PRKN: variants seen among roughly 807,000 people sequenced by gnomAD.
PRKN encodes the protein parkin RBR E3 ubiquitin protein ligase, also known as E3 ubiquitin-protein ligase parkin.
In PRKN, 56 loss-of-function variants were observed where a neutral mutation model predicts 59.5. That is an observed-to-expected ratio of 0.94 (90% CI 0.76 to 1.18). The LOEUF (loss-of-function observed/expected upper bound fraction) is 1.18, where lower values mean the gene tolerates loss of function less well. Among genes scored for constraint, PRKN ranks in the 50% most tolerant of loss-of-function variants. The probability of loss-of-function intolerance (pLI) is 0.00; values close to 1 mark genes in which losing one functional copy is unlikely to be tolerated. For synonymous variants in PRKN, 250 were observed against 222.1 expected (o/e 1.13, Z -1.12); for missense variants, 657 against 596.4 (o/e 1.10, Z -1.06).
At chr6:162,717,827 T>G (rs1346050349) in intron 1 of PRKN, among the ~76,000 whole-genome samples, 1 of 152,212 alleles carries the variant, frequency 6.6e-6, no homozygotes, top group Non-Finnish European at 1.5e-5. Flanking sequence ...CATTGAAAAT[T>G]TATCTGACAT....
rs970673192 is a variant in PRKN at position 161,554,894 on chromosome 6, A to T, written c.934-5891T>A. On this transcript the variant is annotated intron_variant, in intron 8 of 11. Coordinates refer to ENST00000366898, the MANE Select transcript of PRKN (RefSeq NM_004562.3). This position sits in a 1 kb window ranked among gnomAD's most constrained non-coding sequence, Gnocchi z 4.5. Reference sequence around the variant, plus strand: ...GTAAATTAATTGCCCTCTTTTGCCTAGATGCCCAAGGAATTTTTTCCATTT... The same window carrying T: ...GTAAATTAATTGCCCTCTTTTGCCTTGATGCCCAAGGAATTTTTTCCATTT... Among the ~76,000 whole-genome samples the T allele has an allele frequency of 6.6e-6, 1 of 152,004 alleles. No individual in the cohort carries two copies. Among genetic ancestry groups the T allele is most frequent in the Admixed American group, 6.6e-5 (1 of 15,252 alleles).
At chr6:162,059,729 GT>G (rs960909000) in intron 4 of PRKN, among the ~76,000 whole-genome samples, 5 of 152,052 alleles carry the variant, frequency 3.3e-5, no homozygotes, top group African/African-American at 1.2e-4. Context: ...AATTTGGCTG[GT>G]TTTTAGAGAA....
At position 161,423,560 on chromosome 6, in the gene PRKN, A is replaced by G. The variant is rs988696302; in HGVS notation, c.1084-36683T>C. Among the ~76,000 whole-genome samples the G allele has an allele frequency of 2.0e-5, 3 of 152,178 alleles. No homozygotes were observed. Among genetic ancestry groups the G allele is most frequent in the African/African-American group, 4.8e-5 (2 of 41,442 alleles). On this transcript the variant is annotated intron_variant, in intron 9 of 11. Transcript: ENST00000366898. This position sits in a 1 kb window ranked among gnomAD's most constrained non-coding sequence, Gnocchi z 5.9. ...AATTCCTTGATTTGGGGCCAATGACAAGCAAGACATTTACAGATTTAGATG... is the reference window on the plus strand; with the variant it reads ...AATTCCTTGATTTGGGGCCAATGACGAGCAAGACATTTACAGATTTAGATG...
At chr6:161,986,491 CTTTTT>C (rs66655962) in intron 5 of PRKN, among the ~76,000 whole-genome samples, 1 of 139,420 alleles carries the variant, frequency 7.2e-6, no homozygotes. Flanking sequence ...CTGCAGTGTC[CTTTTT>C]TTTTTTTTTT....
chr6:162,303,678 T>C (rs1344896753), intron 2 of PRKN, among the ~76,000 whole-genome samples: 2 of 152,218 alleles, frequency 1.3e-5, no homozygotes, highest in African/African-American at 4.8e-5. Context: ...AATTCATCTC[T>C]ACTTTACAAA....
At chr6:162,710,764 A>T (rs960176749) in intron 1 of PRKN, among the ~76,000 whole-genome samples, 4 of 148,866 alleles carry the variant, frequency 2.7e-5, no homozygotes, top group African/African-American at 7.3e-5. Context: ...AAAGTACTTT[A>T]AAAAAAAACA....
intron 1 of PRKN, among the ~76,000 whole-genome samples, chr6:162,654,450 C>G (rs1778562113): frequency 6.6e-6 from 1 of 152,132 alleles, no homozygotes; most frequent in African/African-American, 2.4e-5. Context: ...AGCCCGAGTT[C>G]CCAACCACGA....
chr6:162,720,852 G>A (rs1233295565), intron 1 of PRKN, among the ~76,000 whole-genome samples: 2 of 152,166 alleles, frequency 1.3e-5, no homozygotes, highest in East Asian at 3.9e-4. Flanking sequence ...CCACAGCTCT[G>A]ATGACATTGT....
At chr6:162,460,385 G>A (rs979395039) in intron 1 of PRKN, among the ~76,000 whole-genome samples, 2 of 152,200 alleles carry the variant, frequency 1.3e-5, no homozygotes, top group Non-Finnish European at 2.9e-5. Flanking sequence ...AGAAACAGGA[G>A]TTACTGCTAA....
intron 1 of PRKN, among the ~76,000 whole-genome samples, chr6:162,529,470 T>C (rs1778418234): frequency 6.6e-6 from 1 of 152,226 alleles, no homozygotes; most frequent in Non-Finnish European, 1.5e-5. Context: ...TCATTCATTC[T>C]GAGTTTCTTA....
intron 4 of PRKN, among the ~76,000 whole-genome samples, chr6:162,075,199 T>G (rs1187104608): frequency 6.6e-6 from 1 of 152,176 alleles, no homozygotes; most frequent in Non-Finnish European, 1.5e-5. Flanking sequence ...TCATGGCATG[T>G]AAATCTATTT....
intron 4 of PRKN, among the ~76,000 whole-genome samples, chr6:162,158,514 C>T (rs954570870): frequency 6.6e-6 from 1 of 151,348 alleles, no homozygotes; most frequent in East Asian, 2.0e-4. Flanking sequence ...TCACTGCAAT[C>T]TCCGCCTCCC....
rs2128100075 is a variant in PRKN, at chr6:162,262,622, C to T, written c.315G>A (p.Val105=). 1.9e-6 allele frequency: 3 copies of T among 1,613,782 alleles called. No homozygotes were observed. Among genetic ancestry groups the T allele is most frequent in the Non-Finnish European group, 2.5e-6 (3 of 1,179,954 alleles). ...CTGGGAGGACTGAGCTGCTGAGGTC[C>T]ACCCGAGTCAAGCTCTGGGGCTCCC... The part of the protein sequence containing the change: ...CEREPQSLTR[V]DLSSSVLPGD... Residue 105 remains valine (V), a synonymous_variant, in exon 3 of 12, where the codon GTG becomes GTA. Transcript: ENST00000366898.
chr6:161,644,759 G>A (rs1443042033), intron 7 of PRKN, among the ~76,000 whole-genome samples: 1 of 152,236 alleles, frequency 6.6e-6, no homozygotes, highest in Non-Finnish European at 1.5e-5. Context: ...CATGAGAGCC[G>A]AGTGAAGGGA....
chr6:161,729,097 C>T (rs1034924533), intron 7 of PRKN, among the ~76,000 whole-genome samples: 5 of 152,238 alleles, frequency 3.3e-5, no homozygotes, highest in African/African-American at 1.2e-4. Context: ...TTGTTCAACT[C>T]TTCCCATGAA....
chr6:161,845,851 C>T (rs2128221462), intron 6 of PRKN, among the ~76,000 whole-genome samples: 1 of 152,266 alleles, frequency 6.6e-6, no homozygotes, highest in East Asian at 1.9e-4. Flanking sequence ...GAGTCTGTCG[C>T]CACATCAACC....
rs1325473840 is a variant in PRKN at position 161,350,238 on chromosome 6, G to C, written c.1286-27C>G. The C allele has an allele frequency of 6.5e-6, 10 of 1,546,694 alleles. No homozygotes were observed. The Admixed American group carries it at 1.0e-4, about 16-fold the overall frequency. ...TGTTGGGGGCAGAAAACAAAGGTGT[G>C]GTGGGTTCGCAGCAAGTACCTGGAA... On this transcript the variant is annotated intron_variant, in intron 11 of 11. Transcript: ENST00000366898.
chr6:161,733,782 AAATATAT>A (rs1196468514), intron 7 of PRKN, among the ~76,000 whole-genome samples: 1 of 79,922 alleles, frequency 1.3e-5, no homozygotes, highest in Non-Finnish European at 2.1e-5. Context: ...AAAAAAAAAA[AAATATAT>A]ATATATATGT....
chr6:162,706,180 AAAG>A (rs1332436618), intron 1 of PRKN, among the ~76,000 whole-genome samples: 2 of 151,808 alleles, frequency 1.3e-5, no homozygotes, highest in South Asian at 2.1e-4. Flanking sequence ...CCATTGTGAG[AAAG>A]AAGGACATAA....
Sources: allele counts gnomAD v4.1 joint callset (sites outside exome capture counted in the v4.1 genomes callset), GRCh38; gene constraint gnomAD v4.1.1; non-coding constraint Gnocchi (gnomAD v3.1); transcripts MANE v1.5; gene names NCBI Gene and HGNC (gene_info 2026-07-23, HGNC 2026-07-21).